Variants in EFCAB6 observed in about 807,000 individuals in gnomAD.
EFCAB6 encodes the protein EF-hand calcium-binding domain-containing protein 6.
Under a neutral mutation model 169.8 loss-of-function variants are expected in EFCAB6, and 156 were observed. The ratio of observed to expected loss-of-function variants is 0.92; its 90% CI spans 0.81 to 1.05. EFCAB6 has a LOEUF of 1.05. Ranked by LOEUF, EFCAB6 falls within the 50% of genes least tolerant of loss-of-function variation. The pLI is 0.00. For missense variants in EFCAB6, 1,800 were observed against 1,829.1 expected, an observed-to-expected ratio of 0.98 and a Z score of 0.29; for synonymous variants, 698 against 676.4, an observed-to-expected ratio of 1.03 and a Z score of -0.50.
intron 16 of EFCAB6, among the ~76,000 whole-genome samples, chr22:43,667,853 T>C (rs2057331855): frequency 6.6e-6 from 1 of 152,112 alleles, no homozygotes; most frequent in African/African-American, 2.4e-5. Flanking sequence ...GGCGTGGGTG[T>C]TCGGAGGACA....
At chr22:43,534,616 G>T in intron 30 of EFCAB6, 72 bp downstream of exon 30, 1 of 1,415,624 alleles carries the variant, frequency 7.1e-7, no homozygotes. Context: ...GTAAGACCCT[G>T]TCTTGAAAAA....
chr22:43,733,217 G>A (rs984398890), intron 7 of EFCAB6, among the ~76,000 whole-genome samples: 1 of 152,190 alleles, frequency 6.6e-6, no homozygotes, highest in Admixed American at 6.5e-5. Flanking sequence ...TGGTAAGTTT[G>A]AGAAACCAGA....
chr22:43,811,484 G>GA (rs2063126678), intron 1 of EFCAB6, among the ~76,000 whole-genome samples: 2 of 152,192 alleles, frequency 1.3e-5, no homozygotes, highest in Non-Finnish European at 2.9e-5. Flanking sequence ...GAGAAAGGAA[G>GA]GGAGTAGAGA....
intron 20 of EFCAB6, among the ~76,000 whole-genome samples, chr22:43,621,941 A>C (rs1292931275): frequency 6.6e-6 from 1 of 152,242 alleles, no homozygotes; most frequent in Non-Finnish European, 1.5e-5. Context: ...AACCTTGATG[A>C]CCAATATTTT....
chr22:43,725,134 CTTTTTTT>C (rs33983375), intron 8 of EFCAB6, among the ~76,000 whole-genome samples: 74 of 94,686 alleles, frequency 7.8e-4, no homozygotes, highest in African/African-American at 2.4e-3. Context: ...GCCAAACTGG[CTTTTTTT>C]TTTTTTTTTT....
intron 27 of EFCAB6, among the ~76,000 whole-genome samples, chr22:43,543,577 C>T (rs527425335): frequency 6.6e-6 from 1 of 152,304 alleles, no homozygotes; most frequent in African/African-American, 2.4e-5. Context: ...GACATCCTTG[C>T]AGAATGGGCA....
chr22:43,780,181 T>C (rs767116099), intron 3 of EFCAB6, among the ~76,000 whole-genome samples: 2 of 152,058 alleles, frequency 1.3e-5, no homozygotes, highest in Non-Finnish European at 2.9e-5. Flanking sequence ...GTGGTACTCA[T>C]TAGGAACCTT....
At chr22:43,581,050 C>T (rs1041917395) in intron 24 of EFCAB6, among the ~76,000 whole-genome samples, 1 of 152,170 alleles carries the variant, frequency 6.6e-6, no homozygotes, top group African/African-American at 2.4e-5. Context: ...GTGACATTTG[C>T]ATAGCAGCAT....
At chr22:43,533,963 A>G (rs1003204221) in intron 30 of EFCAB6, among the ~76,000 whole-genome samples, 1 of 152,208 alleles carries the variant, frequency 6.6e-6, no homozygotes, top group African/African-American at 2.4e-5. Context: ...ACAAATTAAC[A>G]AAAACAAGGC....
At chr22:43,642,712 C>T (rs564281848) in intron 17 of EFCAB6, among the ~76,000 whole-genome samples, 20 of 152,320 alleles carry the variant, frequency 1.3e-4, no homozygotes, top group Admixed American at 5.2e-4. Flanking sequence ...ATCAGACACA[C>T]GTCTGACTGT....
chr22:43,711,424 T>C (rs1392497798), intron 10 of EFCAB6, 51 bp downstream of exon 10: 4 of 1,501,724 alleles, frequency 2.7e-6, no homozygotes, highest in Non-Finnish European at 3.5e-6. Context: ...GCCTTATTCT[T>C]ACGGTTGACG....
intron 5 of EFCAB6, among the ~76,000 whole-genome samples, chr22:43,763,573 T>C (rs1010432515): frequency 1.3e-5 from 2 of 152,180 alleles, no homozygotes; most frequent in Admixed American, 6.5e-5. Flanking sequence ...AAAGCCATGA[T>C]ACCAGAATTT....
chr22:43,800,530 C>A (rs1237878602), intron 2 of EFCAB6, among the ~76,000 whole-genome samples: 1 of 152,126 alleles, frequency 6.6e-6, no homozygotes, highest in Non-Finnish European at 1.5e-5. Context: ...AGCTGTCTAT[C>A]CAAGAATTCA....
chr22:43,723,424 CT>C (rs1204916487), intron 8 of EFCAB6, among the ~76,000 whole-genome samples: 1 of 152,090 alleles, frequency 6.6e-6, no homozygotes, highest in Non-Finnish European at 1.5e-5. Flanking sequence ...ACATGTACCC[CT>C]GTATCTAAAA....
At chr22:43,590,043 G>T in intron 24 of EFCAB6, 31 bp downstream of exon 24, 1 of 1,599,102 alleles carries the variant, frequency 6.3e-7, no homozygotes, top group South Asian at 1.1e-5. Context: ...TCAGGGCCAT[G>T]AGAAACATAT....
chr22:43,663,148 G>A (rs1046073089), intron 17 of EFCAB6, among the ~76,000 whole-genome samples: 11 of 152,188 alleles, frequency 7.2e-5, no homozygotes, highest in Admixed American at 2.0e-4. Context: ...CACCGTCATC[G>A]TTATTATTCC....
At chr22:43,551,524 TTTTA>T (rs2048377023) in intron 27 of EFCAB6, among the ~76,000 whole-genome samples, 1 of 152,200 alleles carries the variant, frequency 6.6e-6, no homozygotes, top group South Asian at 2.1e-4. Flanking sequence ...CTTCAACAAC[TTTTA>T]TTTTAGTTTC....
intron 27 of EFCAB6, chr22:43,554,562 A>C (rs1005515264): frequency 2.8e-5 from 11 of 393,476 alleles, no homozygotes; most frequent in Non-Finnish European, 4.6e-5. Context: ...CCCATGACAG[A>C]CCCAGACCAC....
At chr22:43,790,184 G>A (rs1225170733) in intron 2 of EFCAB6, among the ~76,000 whole-genome samples, 1 of 152,164 alleles carries the variant, frequency 6.6e-6, no homozygotes, top group Non-Finnish European at 1.5e-5. Flanking sequence ...CAGGTGGCAG[G>A]TCCTGTACGT....
Sources: gnomAD v4.1 joint callset for allele counts (sites outside exome capture counted in the v4.1 genomes callset) on GRCh38, gnomAD v4.1.1 for gene constraint, MANE v1.5 for transcripts, NCBI Gene and HGNC (gene_info 2026-07-23, HGNC 2026-07-21) for gene names.